SORCS2: variants seen among roughly 807,000 people sequenced by gnomAD.
SORCS2 encodes the protein VPS10 domain-containing receptor SorCS2.
SORCS2 carries 100 observed loss-of-function variants against 141.6 expected under a neutral mutation model. That is an observed-to-expected ratio of 0.71 (90% CI 0.60 to 0.83). SORCS2 has a LOEUF of 0.83. Among genes scored for constraint, SORCS2 ranks in the 40% least tolerant of loss-of-function variants. The probability of loss-of-function intolerance (pLI) is 0.00; values close to 1 mark genes in which losing one functional copy is unlikely to be tolerated. For missense variants in SORCS2, 1,646 were observed against 1,560.2 expected (o/e 1.05, Z -0.93); for synonymous variants, 789 against 676.9 (o/e 1.17, Z -2.57).
At position 7,715,273 on chromosome 4, in the gene SORCS2, C is replaced by T. The variant is rs762656368; in HGVS notation, c.2214C>T (p.Asp738=). 51 of 1,613,112 alleles carry T rather than the reference C, an allele frequency of 3.2e-5. No individual in the cohort carries two copies. Among genetic ancestry groups the T allele is most frequent in the Middle Eastern group, 3.3e-4 (2 of 6,082 alleles). The change falls in exon 17 of 27, where the codon GAC becomes GAT. Residue 738 remains aspartate, a synonymous_variant. Coordinates refer to ENST00000507866, the MANE Select transcript of SORCS2 (RefSeq NM_020777.3). ...NFWFNPLSPP[D]DCALGQTYTS... ...GGTTTAACCCATTGTCCCCGCCTGA[C>T]GACTGTGCCCTGGGCCAGACCTACA... is the stretch of plus-strand genomic sequence containing the variant.
At chr4:7,368,210 G>C (rs1386829110) in intron 1 of SORCS2, among the ~76,000 whole-genome samples, 1 of 152,226 alleles carries the variant, frequency 6.6e-6, no homozygotes, top group African/African-American at 2.4e-5. Context: ...GAACCGCCCT[G>C]GTGTGCTCTA....
chr4:7,499,406 T>A (rs1264500607), intron 2 of SORCS2, among the ~76,000 whole-genome samples: 3 of 152,126 alleles, frequency 2.0e-5, no homozygotes, highest in African/African-American at 7.2e-5. Flanking sequence ...CCAAGGACCC[T>A]GTGGGAGTTG....
chr4:7,678,886 C>T (rs959820838), intron 9 of SORCS2, among the ~76,000 whole-genome samples: 6 of 152,170 alleles, frequency 3.9e-5, no homozygotes, highest in African/African-American at 1.2e-4. Context: ...TCTGGGCTTC[C>T]CTATGTGCAA....
At chr4:7,671,197 C>T (rs1164936364) in intron 8 of SORCS2, among the ~76,000 whole-genome samples, 3 of 152,262 alleles carry the variant, frequency 2.0e-5, no homozygotes, top group East Asian at 1.9e-4. Context: ...ACATGGCAAG[C>T]TCTATGGAAA....
At position 7,717,996 on chromosome 4, in the gene SORCS2, T is replaced by C. The variant is rs1463767633; in HGVS notation, c.2253-16T>C. Reference sequence around the variant, plus strand: ...ACCTGTCTGAAGCGGACCCTGACCCTCTCTTGTCAATCCAGGTACCGGAAA... The same window carrying C: ...ACCTGTCTGAAGCGGACCCTGACCCCCTCTTGTCAATCCAGGTACCGGAAA... On this transcript the variant is annotated splice_polypyrimidine_tract_variant and intron_variant, in intron 17 of 26. Transcript: ENST00000507866. The C allele has an allele frequency of 6.3e-7, 1 of 1,591,702 alleles. No homozygotes were observed. The highest frequency in any genetic ancestry group is 8.6e-7 in the Non-Finnish European group (1 of 1,168,260).
intron 2 of SORCS2, among the ~76,000 whole-genome samples, chr4:7,514,783 G>A (rs1732874880): frequency 6.6e-6 from 1 of 152,136 alleles, no homozygotes; most frequent in South Asian, 2.1e-4. Flanking sequence ...CAGTCACGTA[G>A]GCCCATGTGG....
intron 2 of SORCS2, among the ~76,000 whole-genome samples, chr4:7,512,198 C>T (rs918863004): frequency 5.3e-5 from 8 of 152,086 alleles, no homozygotes; most frequent in African/African-American, 1.4e-4. Context: ...CTGAGAGGCT[C>T]GCACAGTCAC....
intron 2 of SORCS2, among the ~76,000 whole-genome samples, chr4:7,499,636 A>G (rs967226570): frequency 6.6e-6 from 1 of 152,062 alleles, no homozygotes; most frequent in African/African-American, 2.4e-5. Context: ...AAGATGGAGA[A>G]CCACACAGGG....
chr4:7,282,716 G>A (rs1715959856), intron 1 of SORCS2, among the ~76,000 whole-genome samples: 1 of 152,184 alleles, frequency 6.6e-6, no homozygotes, highest in Non-Finnish European at 1.5e-5. Context: ...ACACAGATGA[G>A]GAAGGAAACT....
At position 7,740,634 on chromosome 4, in the gene SORCS2, G is replaced by C. The variant is rs1712596638; in HGVS notation, c.*370G>C. On this transcript the variant is annotated 3_prime_UTR_variant, in exon 27 of 27. Coordinates refer to ENST00000507866, the MANE Select transcript of SORCS2 (RefSeq NM_020777.3). ...CCCAGTACCTCGGGCTGCAAGAGCT[G>C]CAGACCCGTTCAGACACTGCGTTGC... is the stretch of plus-strand genomic sequence containing the variant. 1 of 340,186 alleles carries C rather than the reference G, an allele frequency of 2.9e-6. No homozygotes were observed. Among genetic ancestry groups the C allele is most frequent in the Non-Finnish European group, 5.6e-6 (1 of 178,558 alleles). The allele number at this position is 340,186 out of a possible 1,614,324, so 21.1% of individuals were successfully genotyped here.
chr4:7,401,085 A>T (rs1467776789), intron 2 of SORCS2, among the ~76,000 whole-genome samples: 1 of 150,012 alleles, frequency 6.7e-6, no homozygotes, highest in African/African-American at 2.5e-5. Flanking sequence ...ATGGATGGAT[A>T]CATGGATAGA....
At chr4:7,515,701 T>G (rs1263483094) in intron 2 of SORCS2, among the ~76,000 whole-genome samples, 1 of 151,908 alleles carries the variant, frequency 6.6e-6, no homozygotes, top group Non-Finnish European at 1.5e-5. Flanking sequence ...CAGTTTCTGC[T>G]GCATGCAAGG....
At chr4:7,476,054 C>T (rs773877583) in intron 2 of SORCS2, among the ~76,000 whole-genome samples, 2 of 152,160 alleles carry the variant, frequency 1.3e-5, no homozygotes, top group African/African-American at 4.8e-5. Flanking sequence ...TGAAGGCTCT[C>T]GCTGGCCTAT....
chr4:7,275,046 T>C (rs541145496), intron 1 of SORCS2, among the ~76,000 whole-genome samples: 2 of 152,194 alleles, frequency 1.3e-5, no homozygotes, highest in Non-Finnish European at 2.9e-5. Flanking sequence ...TGCAAACACA[T>C]TGCCTTTTCT....
intron 2 of SORCS2, among the ~76,000 whole-genome samples, chr4:7,471,801 G>T (rs149318007): frequency 3.3e-5 from 5 of 152,236 alleles, no homozygotes; most frequent in African/African-American, 9.6e-5. Flanking sequence ...TGATGTCTGC[G>T]GAATGCAACC....
chr4:7,721,402 G>C lies in SORCS2; in HGVS notation c.2425-2295G>C, dbSNP rs144959814. 3.0e-3 allele frequency among the ~76,000 whole-genome samples: 453 copies of C among 152,290 alleles called. 1 individual carries two copies. Among genetic ancestry groups the C allele is most frequent in the African/African-American group, 9.7e-3 (401 of 41,552 alleles). ...AATCACTTGAACCTGGGAGTCGGAG[G>C]TTGCAGTGAGCCAAGATCCCACCAC... On this transcript the variant is annotated intron_variant, in intron 18 of 26. Transcript: ENST00000507866.
chr4:7,271,923 T>G (rs1412318762), intron 1 of SORCS2, among the ~76,000 whole-genome samples: 1 of 152,200 alleles, frequency 6.6e-6, no homozygotes, highest in Non-Finnish European at 1.5e-5. Flanking sequence ...GCTCTGGGTG[T>G]TCGCTAAGGA....
chr4:7,723,225 T>C (rs1045181889), intron 18 of SORCS2, among the ~76,000 whole-genome samples: 2 of 152,088 alleles, frequency 1.3e-5, no homozygotes, highest in African/African-American at 4.8e-5. Flanking sequence ...AACCGCAGCT[T>C]CCCAGAAAGG....
At chr4:7,480,744 G>A (rs377252276) in intron 2 of SORCS2, among the ~76,000 whole-genome samples, 12 of 152,310 alleles carry the variant, frequency 7.9e-5, no homozygotes, top group Admixed American at 2.6e-4. Flanking sequence ...CCGTGCAGAC[G>A]CATCCCCTCC....
Sources: allele counts gnomAD v4.1 joint callset (sites outside exome capture counted in the v4.1 genomes callset), GRCh38; gene constraint gnomAD v4.1.1; transcripts MANE v1.5; gene names NCBI Gene and HGNC (gene_info 2026-07-23, HGNC 2026-07-21).